The following HDX variants were observed in gnomAD, a reference collection of about 807,000 sequenced individuals.
The protein encoded by HDX is highly divergent homeobox, also known as chromosome X open reading frame 43.
A neutral mutation model predicts 45.2 loss-of-function variants in HDX; 19 were observed. The ratio of observed to expected loss-of-function variants is 0.42; its 90% CI spans 0.29 to 0.62. The LOEUF (loss-of-function observed/expected upper bound fraction) is 0.62, where lower values mean the gene tolerates loss of function less well. HDX is among the 20% of genes least tolerant of loss of function. The pLI is 0.20. For missense variants in HDX, 532 were observed against 493.9 expected (o/e 1.08, Z -0.73); for synonymous variants, 188 against 172.8 (o/e 1.09, Z -0.69).
intron 4 of HDX, among the ~76,000 whole-genome samples, chrX:84,448,055 G>A (rs1003863629): frequency 1.8e-5 from 2 of 111,811 alleles, no homozygotes; most frequent in African/African-American, 6.5e-5. Context: ...GAGGGCTAGA[G>A]GACAGGCCTT....
chrX:84,373,252 T>TA (rs1352984488), intron 5 of HDX, among the ~76,000 whole-genome samples: 1 of 111,425 alleles, frequency 9.0e-6, no homozygotes, highest in Non-Finnish European at 1.9e-5. Flanking sequence ...TAGGAAATGT[T>TA]GCCCCAAATC....
At chrX:84,442,910 A>G (rs1048462409) in intron 4 of HDX, among the ~76,000 whole-genome samples, 15 of 111,834 alleles carry the variant, frequency 1.3e-4, no homozygotes, top group African/African-American at 4.8e-4. Context: ...TGATACAACA[A>G]ACATTGTAAT....
intron 5 of HDX, among the ~76,000 whole-genome samples, chrX:84,406,110 C>T (rs2038813876): frequency 9.1e-6 from 1 of 110,423 alleles, no homozygotes; most frequent in Non-Finnish European, 1.9e-5. Context: ...TCCAAATAAC[C>T]CTTGCCTAAG....
chrX:84,448,932 C>A lies in HDX; in HGVS notation c.1252-8347G>T, dbSNP rs1452024621. Among the ~76,000 whole-genome samples the A allele has an allele frequency of 1.8e-5, 2 of 108,210 alleles. 1 individual carries two copies. Among genetic ancestry groups the A allele is most frequent in the Middle Eastern group, 8.6e-3 (2 of 233 alleles). The allele number at this position is 108,210 out of a possible 115,157, so 94.0% of individuals were successfully genotyped here. A position where few individuals can be genotyped will look rare whatever the true frequency, so the allele number is the denominator to read the frequency against. ...ATTCAGGATATGAAAGAGAAATGTA[C>A]TAAAAAGATAGATATCATTTAAAAA... On this transcript the variant is annotated intron_variant, in intron 4 of 10. Transcript: ENST00000373177.
intron 5 of HDX, among the ~76,000 whole-genome samples, chrX:84,390,606 A>G (rs1328915399): frequency 8.9e-6 from 1 of 111,965 alleles, no homozygotes; most frequent in Non-Finnish European, 1.9e-5. Flanking sequence ...AGACAATTTC[A>G]TAATTATCCA....
At chrX:84,350,809 C>T (rs769776793) in intron 6 of HDX, among the ~76,000 whole-genome samples, 100 of 111,660 alleles carry the variant, frequency 9.0e-4, no homozygotes, top group Non-Finnish European at 1.7e-3. Flanking sequence ...TGAATTTAGA[C>T]CATTTAAATT....
rs202229936 is a variant in HDX at position 84,423,500 on chromosome X, A to G, written c.1305+17032T>C. ...AGAAACATCAAAAAAAAAAAAAAAA[A>G]AGAGAGAGAGAGAGAAAACTGCAGG... On this transcript the variant is annotated intron_variant, in intron 5 of 10. Transcript: ENST00000373177. Among the ~76,000 whole-genome samples the G allele has an allele frequency of 6.1e-4, 61 of 99,395 alleles. No homozygotes were observed. The South Asian group carries it at 9.3e-3, about 15-fold the overall frequency. 86.3% of individuals were successfully genotyped at this position (99,395 alleles called of 115,157 possible).
chrX:84,360,153 T>G (rs1471348647), intron 6 of HDX, among the ~76,000 whole-genome samples: 13 of 111,448 alleles, frequency 1.2e-4, no homozygotes. Context: ...AAGAAGAAAT[T>G]TATGCAGCCA....
At chrX:84,454,648 A>G (rs2040072384) in intron 4 of HDX, among the ~76,000 whole-genome samples, 2 of 111,093 alleles carry the variant, frequency 1.8e-5, no homozygotes, top group Admixed American at 1.9e-4. Flanking sequence ...GGCCAGGGAG[A>G]ACTGCCATCC....
At chrX:84,341,256 T>C (rs1289289868) in intron 7 of HDX, among the ~76,000 whole-genome samples, 1 of 111,116 alleles carries the variant, frequency 9.0e-6, no homozygotes, top group Non-Finnish European at 1.9e-5. Flanking sequence ...ATATGCAATT[T>C]AGTAAACACT....
intron 9 of HDX, 121 bp from the exon 10 acceptor site, chrX:84,326,421 G>T (rs1009891713): frequency 2.8e-5 from 14 of 501,516 alleles, no homozygotes; most frequent in Middle Eastern, 6.0e-4. Flanking sequence ...AAAACAAAAT[G>T]TTAACATAAA....
At chrX:84,351,654 A>G (rs2037363398) in intron 6 of HDX, among the ~76,000 whole-genome samples, 1 of 110,973 alleles carries the variant, frequency 9.0e-6, no homozygotes, top group African/African-American at 3.3e-5. Flanking sequence ...TGGCTTTTCC[A>G]GTATCTATTC....
intron 5 of HDX, among the ~76,000 whole-genome samples, chrX:84,392,273 A>G (rs985621412): frequency 1.8e-5 from 2 of 111,223 alleles, no homozygotes; most frequent in African/African-American, 6.5e-5. Flanking sequence ...CCATTGTCCT[A>G]TGCGCCTGTT....
At chrX:84,485,687 C>G (rs1017526278) in intron 2 of HDX, among the ~76,000 whole-genome samples, 10 of 112,241 alleles carry the variant, frequency 8.9e-5, no homozygotes, top group African/African-American at 2.9e-4. Context: ...TGTTAGCCAC[C>G]AGGCCCAGCC....
At chrX:84,435,573 C>T (rs1192076960) in intron 5 of HDX, among the ~76,000 whole-genome samples, 3 of 107,502 alleles carry the variant, frequency 2.8e-5, no homozygotes, top group Non-Finnish European at 5.8e-5. Context: ...TAATTAGATC[C>T]CATTTGTCAA....
intron 2 of HDX, among the ~76,000 whole-genome samples, chrX:84,482,716 C>T (rs1392274770): frequency 9.0e-6 from 1 of 111,123 alleles, no homozygotes; most frequent in African/African-American, 3.3e-5. Context: ...CATGTCCTCA[C>T]ATTTCAAAAC....
At chrX:84,454,860 G>A (rs780618941) in intron 4 of HDX, among the ~76,000 whole-genome samples, 4 of 110,895 alleles carry the variant, frequency 3.6e-5, no homozygotes, top group Non-Finnish European at 7.6e-5. Flanking sequence ...AGTTCCAGGC[G>A]GCTCAGCACA....
intron 5 of HDX, among the ~76,000 whole-genome samples, chrX:84,373,948 A>C: frequency 1.1e-5 from 1 of 89,313 alleles, no homozygotes; most frequent in African/African-American, 4.5e-5. Context: ...GTATTCAATT[A>C]GGAAAAGAGG....
chrX:84,336,896 C>T lies in HDX; in HGVS notation c.1661-16G>A, dbSNP rs368799426. 60 of 1,092,150 alleles carry T rather than the reference C, an allele frequency of 5.5e-5. No individual in the cohort carries two copies. In the African/African-American group the frequency reaches 7.4e-4, roughly 13 times the overall value. The allele number at this position is 1,092,150 out of a possible 1,213,427, so 90.0% of individuals were successfully genotyped here. ...TTGGGCTCTTCTACAGAAAAAAATG[C>T]CATAATTTCATTTTCATTTCGCAAA... On this transcript the variant is annotated splice_polypyrimidine_tract_variant and intron_variant, in intron 7 of 10. Coordinates refer to ENST00000373177, the MANE Select transcript of HDX (RefSeq NM_001177479.2).
Sources: allele counts gnomAD v4.1 joint callset (sites outside exome capture counted in the v4.1 genomes callset), GRCh38; gene constraint gnomAD v4.1.1; transcripts MANE v1.5; gene names NCBI Gene and HGNC (gene_info 2026-07-23, HGNC 2026-07-21).